PLEC: variants seen among roughly 807,000 people sequenced by gnomAD.
PLEC encodes the protein hemidesmosomal protein 1.
PLEC carries 216 observed loss-of-function variants against 392.8 expected under a neutral mutation model. The ratio of observed to expected loss-of-function variants is 0.55; its 90% CI spans 0.49 to 0.62. The LOEUF is 0.62. Among genes scored for constraint, PLEC ranks in the 20% least tolerant of loss-of-function variants. The pLI is 0.00. For synonymous variants in PLEC, 3,621 were observed against 2,980.6 expected (o/e 1.21, Z -7.00); for missense variants, 6,863 against 6,563.4 (o/e 1.05, Z -1.58).
Position 143,916,201 on chromosome 8 carries a change from C to T in PLEC, c.13620G>A (p.Gly4540=), listed in dbSNP as rs1348383855. Residue 4540 remains glycine, a synonymous_variant, in exon 32 of 32, where the codon GGG becomes GGA. Coordinates refer to ENST00000345136, the MANE Select transcript of PLEC (RefSeq NM_201384.3). ...RYASGSSASL[G]GPESAVA is the part of the protein sequence containing the mutation. ...CTCAGGCCACGGCAGACTCAGGGCC[C>T]CCCAGGGAGGCCGAGGACCCCGAGG... 3 of 1,543,694 alleles carry T rather than the reference C, an allele frequency of 1.9e-6. No homozygotes were observed. Among genetic ancestry groups the T allele is most frequent in the African/African-American group, 2.7e-5 (2 of 72,866 alleles).
chr8:143,967,224 A>G (rs1055562996), intron 1 of PLEC, among the ~76,000 whole-genome samples: 87 of 152,008 alleles, frequency 5.7e-4, no homozygotes, highest in African/African-American at 1.9e-3. Flanking sequence ...TTAGCTGGGC[A>G]TGGTGGCGGG....
At position 143,917,581 on chromosome 8, in the gene PLEC, C is replaced by G. The variant is rs782052478; in HGVS notation, c.12240G>C (p.Leu4080=). The part of the protein sequence containing the change: ...GLFDEEMNEI[L]TDPSDDTKGF... ...CCTTGGTGTCGTCCGAGGGGTCGGT[C>G]AGGATCTCGTTCATCTCCTCATCGA... is the stretch of plus-strand genomic sequence containing the variant. The change falls in exon 32 of 32, where the codon CTG becomes CTC. Residue 4080 remains leucine, a synonymous_variant. Transcript: ENST00000345136. 1.9e-6 allele frequency: 3 copies of G among 1,613,796 alleles called. No individual in the cohort carries two copies. Among genetic ancestry groups the G allele is most frequent in the East Asian group, 2.2e-5 (1 of 44,884 alleles).
Position 143,935,925 on chromosome 8 carries a change from G to A in PLEC, c.525C>T (p.Tyr175=), listed in dbSNP as rs1587165502. The A allele has an allele frequency of 6.2e-7, 1 of 1,612,920 alleles. No individual in the cohort carries two copies. The highest frequency in any genetic ancestry group is 2.2e-5 in the East Asian group (1 of 44,888). Residue 175 remains tyrosine, a synonymous_variant, in exon 6 of 32, where the codon TAC becomes TAT. Coordinates refer to ENST00000345136, the MANE Select transcript of PLEC (RefSeq NM_201384.3). ...LLWSQRMVEG[Y]QGLRCDNFTS... Reference sequence around the variant, plus strand: ...TGAAGTTGTCGCATCGCAGGCCCTGGTACCCCTCCACCATTCGCTGCGACC... The same window carrying A: ...TGAAGTTGTCGCATCGCAGGCCCTGATACCCCTCCACCATTCGCTGCGACC...
Position 143,923,992 on chromosome 8 carries a change from C to A in PLEC, c.5937G>T (p.Glu1979Asp), listed in dbSNP as rs782051602. Residue 1979 changes from glutamate (E) to aspartate (D), a missense_variant, in exon 31 of 32, where the codon GAG (glutamate) becomes GAT (aspartate). By Grantham distance (45) the Glu-to-Asp change is conservative (BLOSUM62 2). Coordinates refer to ENST00000345136, the MANE Select transcript of PLEC (RefSeq NM_201384.3). ...AARQRQLAAE[E>D]ERRRREAEER... ...CCTCAGCCTCACGGCGCCGCCGCTC[C>A]TCCTCCGCCGCCAGCTGCCGCTGCC... is the stretch of plus-strand genomic sequence containing the variant. The A allele has an allele frequency of 6.3e-7, 1 of 1,585,722 alleles. No homozygotes were observed. Among genetic ancestry groups the A allele is most frequent in the Non-Finnish European group, 8.5e-7 (1 of 1,171,812 alleles).
Position 143,925,372 on chromosome 8 carries a change from C to A in PLEC, c.4557G>T (p.Ser1519=). The part of the protein sequence containing the change: ...RKRQAEVELA[S]RVKAEAEAAR... ...CCGCCTCGGCCTCGGCCTTCACGCGCGAGGCCAGCTCCACCTCCGCCTGCC... is the reference window on the plus strand; with the variant it reads ...CCGCCTCGGCCTCGGCCTTCACGCGAGAGGCCAGCTCCACCTCCGCCTGCC... Residue 1519 remains serine (S), a synonymous_variant, in exon 31 of 32, where the codon TCG becomes TCT. Transcript: ENST00000345136. The A allele has an allele frequency of 6.4e-7, 1 of 1,565,074 alleles. No homozygotes were observed. Among genetic ancestry groups the A allele is most frequent in the South Asian group, 1.1e-5 (1 of 87,364 alleles).
At chr8:143,926,553 C>T (rs887791065) in intron 30 of PLEC, among the ~76,000 whole-genome samples, 12 of 152,212 alleles carry the variant, frequency 7.9e-5, no homozygotes, top group Middle Eastern at 3.4e-3. Flanking sequence ...GGAGGAGAGG[C>T]GGCACCAGCC....
chr8:143,939,228 C>G, intron 1 of PLEC, 122 bp downstream of exon 1: 1 of 1,347,670 alleles, frequency 7.4e-7, no homozygotes, highest in Non-Finnish European at 1.0e-6. Flanking sequence ...GGCTGGCCCC[C>G]GACCCCCATC....
chr8:143,922,896 G>A lies in PLEC; in HGVS notation c.7033C>T (p.Arg2345Trp), dbSNP rs782781897. The change falls in exon 31 of 32, where the codon CGG becomes TGG. Residue 2345 changes from arginine (R) to tryptophan (W), a missense_variant. Arg to Trp is a moderately radical substitution (Grantham distance 101, BLOSUM62 -3). Coordinates refer to ENST00000345136, the MANE Select transcript of PLEC (RefSeq NM_201384.3). ...ATCTGCTCCTTGTCCTCCTGCAGCC[G>A]CCGCGCCTGCTCCTGCGCAAGCTCC... is the stretch of plus-strand genomic sequence containing the variant. ...QKELAQEQAR[R>W]LQEDKEQMAQ... 1.2e-5 allele frequency: 19 copies of A among 1,586,178 alleles called. No homozygotes were observed. Among genetic ancestry groups the A allele is most frequent in the Non-Finnish European group, 1.2e-5 (14 of 1,167,040 alleles).
upstream of PLEC, chr8:143,944,536 G>T (rs377226500): frequency 2.6e-5 from 15 of 572,178 alleles, no homozygotes; most frequent in African/African-American, 2.9e-4. Context: ...GGCAGGCTGT[G>T]TGCAGGGCGA....
rs1020001131 is a variant in PLEC, at chr8:143,922,595, G to A, written c.7334C>T (p.Ala2445Val). 4.3e-6 allele frequency: 7 copies of A among 1,613,470 alleles called. No individual in the cohort carries two copies. Among genetic ancestry groups the A allele is most frequent in the African/African-American group, 4.0e-5 (3 of 74,924 alleles). Residue 2445 changes from alanine (A) to valine (V), a missense_variant, in exon 31 of 32, where the codon GCC (alanine) becomes GTC (valine). By Grantham distance (64) the Ala-to-Val change is moderately conservative. Transcript: ENST00000345136. ...EIQRQQSDHD[A>V]ERLREAIAEL... ...AGCGATGGCCTCCCGCAGGCGCTCG[G>A]CATCATGGTCACTCTGCTGTCGCTG...
rs782193446 is a variant in PLEC, at chr8:143,935,856, G to T, written c.594C>A (p.His198Gln). Residue 198 changes from histidine (H) to glutamine (Q), a missense_variant, in exon 6 of 32, where the codon CAC becomes CAA. His to Gln is a conservative substitution (Grantham distance 24). Transcript: ENST00000345136. ...CCCCCGGGGCCATGTACTTGTGCCG[G>T]TGGATGATGGCATTGAAGAGGCGGC... ...RDGRLFNAIIHRHKPLLIDMN... is the reference protein window; with the variant it reads ...RDGRLFNAIIQRHKPLLIDMN... The T allele has an allele frequency of 3.1e-6, 5 of 1,612,890 alleles. No individual in the cohort carries two copies. Among genetic ancestry groups the T allele is most frequent in the Non-Finnish European group, 8.5e-7 (1 of 1,179,956 alleles).
chr8:143,941,689 C>G (rs1255089950), upstream of PLEC, among the ~76,000 whole-genome samples: 1 of 3,926 alleles, frequency 2.5e-4, no homozygotes, highest in Non-Finnish European at 7.6e-4. Flanking sequence ...CTGCCCCGCC[C>G]CATCCAATCC....
intron 1 of PLEC, chr8:143,944,809 G>C (rs566330883): frequency 3.5e-6 from 3 of 849,046 alleles, no homozygotes; most frequent in East Asian, 3.3e-5. Flanking sequence ...AGCAGCTTGT[G>C]GGGGAGGGGA....
Position 143,922,579 on chromosome 8 carries a change from C to T in PLEC, c.7350G>A (p.Glu2450=). 2 of 1,613,582 alleles carry T rather than the reference C, an allele frequency of 1.2e-6. No homozygotes were observed. The highest frequency in any genetic ancestry group is 1.7e-6 in the Non-Finnish European group (2 of 1,179,968). ...QSDHDAERLR[E]AIAELEREKE... is the part of the protein sequence containing the mutation. Reference sequence around the variant, plus strand: ...TCTCACGCTCCAGCTCAGCGATGGCCTCCCGCAGGCGCTCGGCATCATGGT... The same window carrying T: ...TCTCACGCTCCAGCTCAGCGATGGCTTCCCGCAGGCGCTCGGCATCATGGT... The change falls in exon 31 of 32, where the codon GAG becomes GAA. Residue 2450 remains glutamate, a synonymous_variant. Coordinates refer to ENST00000345136, the MANE Select transcript of PLEC (RefSeq NM_201384.3).
At position 143,933,369 on chromosome 8, in the gene PLEC, T is replaced by G. The variant is rs1329542973; in HGVS notation, c.1264-18A>C. ...CGGACATCCTGCAAGGTCGTTGCCA[T>G]GACTCGGAGCACAGCTGATCCCCCT... On this transcript the variant is annotated intron_variant, in intron 12 of 31. Transcript: ENST00000345136. The G allele has an allele frequency of 6.2e-7, 1 of 1,606,646 alleles. No individual in the cohort carries two copies. The highest frequency in any genetic ancestry group is 8.5e-7 in the Non-Finnish European group (1 of 1,179,922).
intron 1 of PLEC, among the ~76,000 whole-genome samples, chr8:143,972,789 A>G (rs1554744724): frequency 6.6e-6 from 1 of 152,190 alleles, no homozygotes; most frequent in Non-Finnish European, 1.5e-5. Context: ...GTGGGCGTGG[A>G]CTAGGGCAAG....
Position 143,935,308 on chromosome 8 carries a change from AGG to A in PLEC, c.606_607del (p.Leu203AlafsTer36). 6.2e-7 allele frequency: 1 copy of A among 1,602,522 alleles called. No homozygotes were observed. The highest frequency in any genetic ancestry group is 8.5e-7 in the Non-Finnish European group (1 of 1,179,232). On this transcript the variant is annotated frameshift_variant, in exon 7 of 32. Transcript: ENST00000345136. LOFTEE classifies it high-confidence loss of function. ...GTACACCTTGTTCATGTCGATGAGC[AGG>A]GGCCTGGGACAAGCAGGTGGCTGGT... is the stretch of plus-strand genomic sequence containing the variant.
At chr8:143,954,836 C>A (rs1554738747), upstream of PLEC, among the ~76,000 whole-genome samples, 1 of 152,208 alleles carries the variant, frequency 6.6e-6, no homozygotes, top group Admixed American at 6.5e-5. The surrounding 1 kb of genome is among the most constrained non-coding windows in gnomAD (Gnocchi z 4.6). Context: ...AGGACAGCCT[C>A]CACAAGATAG....
Position 143,922,473 on chromosome 8 carries a change from A to G in PLEC, c.7425+31T>C, listed in dbSNP as rs376135679. On this transcript the variant is annotated intron_variant, in intron 31 of 31. Transcript: ENST00000345136. ...CCCACCAAAGCAGATCCCCGGGCCC[A>G]CCCGCCCGTCGCACGTAGAGGGGGC... 68 of 1,602,892 alleles carry G rather than the reference A, an allele frequency of 4.2e-5. No individual in the cohort carries two copies. In the African/African-American group the frequency reaches 6.5e-4, roughly 15 times the overall value.
Sources: gnomAD v4.1 joint callset for allele counts (sites outside exome capture counted in the v4.1 genomes callset) on GRCh38, gnomAD v4.1.1 for gene constraint, Gnocchi (gnomAD v3.1) non-coding constraint, MANE v1.5 for transcripts, NCBI Gene and HGNC (gene_info 2026-07-23, HGNC 2026-07-21) for gene names.